The following NAALAD2 variants were observed in gnomAD, a reference collection of about 807,000 sequenced individuals.
The protein encoded by NAALAD2 is N-acetylated alpha-linked acidic dipeptidase 2.
NAALAD2 carries 89 observed loss-of-function variants against 95.6 expected under a neutral mutation model. That is an observed-to-expected ratio of 0.93 (90% CI 0.78 to 1.11). The LOEUF is 1.11. NAALAD2 is among the 50% of genes least tolerant of loss of function. NAALAD2 has a pLI of 0.00. For synonymous variants in NAALAD2, 264 were observed against 294.4 expected (o/e 0.90, Z 1.06); for missense variants, 894 against 872.4 (o/e 1.02, Z -0.31).
At chr11:90,184,193 A>G (rs1857053892) in intron 18 of NAALAD2, among the ~76,000 whole-genome samples, 1 of 152,162 alleles carries the variant, frequency 6.6e-6, no homozygotes, top group Non-Finnish European at 1.5e-5. Context: ...AAAGGTTTAT[A>G]TGTTACCTTT....
intron 16 of NAALAD2, among the ~76,000 whole-genome samples, chr11:90,178,639 C>G (rs1952872943): frequency 1.3e-5 from 2 of 151,242 alleles, no homozygotes. Flanking sequence ...CCACTGCACT[C>G]CAGCCTGGGC....
At chr11:90,144,130 T>G (rs1951689663) in intron 2 of NAALAD2, among the ~76,000 whole-genome samples, 1 of 152,020 alleles carries the variant, frequency 6.6e-6, no homozygotes, top group Non-Finnish European at 1.5e-5. Context: ...ATACAAAAAT[T>G]ACACACCAAG....
Position 90,181,731 on chromosome 11 carries a change from A to T in NAALAD2, c.1940+30A>T, listed in dbSNP as rs573784652. 1.5e-3 allele frequency: 851 copies of T among 551,134 alleles called. 6 individuals are homozygous for T. The South Asian group carries it at 0.03, about 20-fold the overall frequency. The allele number at this position is 551,134 out of a possible 1,614,324, so 34.1% of individuals were successfully genotyped here. On this transcript the variant is annotated intron_variant, in intron 17 of 18. Coordinates refer to ENST00000534061, the MANE Select transcript of NAALAD2 (RefSeq NM_005467.4). Reference sequence around the variant, plus strand: ...GTTTCAAATCCCTTTTTTTTTAAAAAAAAAAAAAAAAGCAATCTGGTTACT... The same window carrying T: ...GTTTCAAATCCCTTTTTTTTTAAAATAAAAAAAAAAAGCAATCTGGTTACT...
At chr11:90,155,483 TTATA>T (rs1255577258) in intron 6 of NAALAD2, among the ~76,000 whole-genome samples, 4 of 114,276 alleles carry the variant, frequency 3.5e-5, no homozygotes, top group African/African-American at 1.1e-4. Flanking sequence ...CATGTATATA[TTATA>T]TATAATATAT....
chr11:90,182,601 TTGTC>T (rs1953006026), intron 17 of NAALAD2, among the ~76,000 whole-genome samples: 1 of 150,820 alleles, frequency 6.6e-6, no homozygotes, highest in Non-Finnish European at 1.5e-5. Flanking sequence ...ATAGCTCACT[TTGTC>T]TGCCTTTCCA....
chr11:90,133,646 G>T (rs1213507316), upstream of NAALAD2, among the ~76,000 whole-genome samples: 1 of 152,124 alleles, frequency 6.6e-6, no homozygotes, highest in African/African-American at 2.4e-5. Flanking sequence ...ATTTTAAGAG[G>T]GTAGTAAATG....
intron 18 of NAALAD2, among the ~76,000 whole-genome samples, chr11:90,189,841 G>A (rs1183532578): frequency 6.6e-6 from 1 of 152,068 alleles, no homozygotes; most frequent in Admixed American, 6.6e-5. Flanking sequence ...GGGGAAGGTT[G>A]AGGAAAAAAG....
intron 16 of NAALAD2, among the ~76,000 whole-genome samples, chr11:90,180,062 AATTG>A (rs1315228762): frequency 7.3e-6 from 1 of 136,536 alleles, no homozygotes; most frequent in Non-Finnish European, 1.6e-5. Flanking sequence ...ATGAAGGTAT[AATTG>A]ATGAATGAAT....
chr11:90,145,762 A>G (rs1209838065), intron 2 of NAALAD2, among the ~76,000 whole-genome samples: 2 of 152,176 alleles, frequency 1.3e-5, no homozygotes, highest in Non-Finnish European at 2.9e-5. Flanking sequence ...TTTTTGGTTG[A>G]GATAAGACAT....
rs1045236714 is a variant in NAALAD2 at position 90,159,149 on chromosome 11, T to C, written c.891-90T>C. On this transcript the variant is annotated intron_variant, in intron 7 of 18. Transcript: ENST00000534061. ...TAGTAAATGACAAATATTTGTTATA[T>C]ATATGAATGAAATATTGTCATCAAA... The C allele has an allele frequency of 3.1e-6, 3 of 965,404 alleles. No individual in the cohort carries two copies. In the African/African-American group the frequency reaches 5.0e-5, roughly 16 times the overall value. 59.8% of individuals were successfully genotyped at this position (965,404 alleles called of 1,614,324 possible).
rs531644964 is a variant in NAALAD2, at chr11:90,189,125, G to A, written c.2034-2433G>A. ...GAGAAAGTTAGGGTGATGCCATTGC[G>A]AAAAGACTCATCTAAAATGCAGTTG... is the stretch of plus-strand genomic sequence containing the variant. On this transcript the variant is annotated intron_variant, in intron 18 of 18. Coordinates refer to ENST00000534061, the MANE Select transcript of NAALAD2 (RefSeq NM_005467.4). Among the ~76,000 whole-genome samples, 310 of 148,560 alleles carry A rather than the reference G, an allele frequency of 2.1e-3. 2 individuals are homozygous for A. Among genetic ancestry groups the A allele is most frequent in the African/African-American group, 7.4e-3 (293 of 39,520 alleles).
chr11:90,183,920 T>A (rs1818665423), intron 18 of NAALAD2, among the ~76,000 whole-genome samples: 1 of 152,170 alleles, frequency 6.6e-6, no homozygotes. Flanking sequence ...TATCCTATTT[T>A]CCTATCTGTA....
chr11:90,147,619 A>G (rs1041549652), intron 3 of NAALAD2, 103 bp downstream of exon 3: 1 of 1,045,574 alleles, frequency 9.6e-7, no homozygotes, highest in East Asian at 2.5e-5. Flanking sequence ...ATAGTGAATT[A>G]TTCAGTATCC....
intron 13 of NAALAD2, 74 bp from the exon 14 acceptor site, chr11:90,173,750 A>T (rs1412592520): frequency 1.0e-6 from 1 of 988,640 alleles, no homozygotes; most frequent in African/African-American, 1.7e-5. Flanking sequence ...GATGACAAAT[A>T]ATATATAGTT....
chr11:90,176,079 T>C lies in NAALAD2; in HGVS notation c.1593+17T>C. 6.3e-7 allele frequency: 1 copy of C among 1,581,612 alleles called. No individual in the cohort carries two copies. The highest frequency in any genetic ancestry group is 8.7e-7 in the Non-Finnish European group (1 of 1,151,008). ...AAGAATAAGGTAAGCCATTTTATCATTTTGAATATATAACATTTCATCTAC... is the reference window on the plus strand; with the variant it reads ...AAGAATAAGGTAAGCCATTTTATCACTTTGAATATATAACATTTCATCTAC... On this transcript the variant is annotated intron_variant, in intron 15 of 18. Coordinates refer to ENST00000534061, the MANE Select transcript of NAALAD2 (RefSeq NM_005467.4).
At chr11:90,180,139 A>T (rs1282205723) in intron 16 of NAALAD2, among the ~76,000 whole-genome samples, 1 of 152,080 alleles carries the variant, frequency 6.6e-6, no homozygotes, top group African/African-American at 2.4e-5. Flanking sequence ...ACCTCTCACT[A>T]GCCAATCCAC....
At position 90,163,593 on chromosome 11, in the gene NAALAD2, T is replaced by C. The variant is rs768749482; in HGVS notation, c.1254T>C (p.Leu418=). 5.0e-6 allele frequency: 8 copies of C among 1,614,008 alleles called. No homozygotes were observed. Among genetic ancestry groups the C allele is most frequent in the African/African-American group, 1.3e-5 (1 of 74,932 alleles). The part of the protein sequence containing the change: ...FASWDAEEFG[L]LGSTEWAEEN... ...GCTGGGATGCAGAAGAATTTGGACT[T>C]CTGGGTTCCACAGAATGGGCTGAGG... Residue 418 remains leucine, a synonymous_variant, in exon 11 of 19, where the codon CTT becomes CTC. Coordinates refer to ENST00000534061, the MANE Select transcript of NAALAD2 (RefSeq NM_005467.4).
Position 90,152,343 on chromosome 11 carries a change from T to C in NAALAD2, c.655T>C (p.Ser219Pro). Residue 219 changes from serine to proline, a missense_variant, in exon 6 of 19, where the codon TCA (serine) becomes CCA (proline). By Grantham distance (74) the Ser-to-Pro change is moderately conservative. Coordinates refer to ENST00000534061, the MANE Select transcript of NAALAD2 (RefSeq NM_005467.4). ...AGGAGCCATAGGAATCATCTTGTAC[T>C]CAGATCCAGCTGACTACTTTGCTCC... ...LAGAIGIILY[S>P]DPADYFAPEV... The C allele has an allele frequency of 6.2e-7, 1 of 1,612,886 alleles. No homozygotes were observed.
At chr11:90,168,025 C>T (rs1035865470) in intron 11 of NAALAD2, among the ~76,000 whole-genome samples, 1 of 152,210 alleles carries the variant, frequency 6.6e-6, no homozygotes, top group Non-Finnish European at 1.5e-5. Context: ...TGCAATATTG[C>T]TGCTGCTGAC....
Sources: gnomAD v4.1 joint callset for allele counts (sites outside exome capture counted in the v4.1 genomes callset) on GRCh38, gnomAD v4.1.1 for gene constraint, MANE v1.5 for transcripts, NCBI Gene and HGNC (gene_info 2026-07-23, HGNC 2026-07-21) for gene names.